Variants in SIGLEC15 observed in about 807,000 individuals in gnomAD.
SIGLEC15 encodes sialic acid-binding Ig-like lectin 15.
Under a neutral mutation model 26.2 loss-of-function variants are expected in SIGLEC15, and 31 were observed. The observed-to-expected ratio is 1.18, with a 90% CI of 0.89 to 1.60. The LOEUF (loss-of-function observed/expected upper bound fraction) is 1.60. Ranked by LOEUF, SIGLEC15 falls within the 40% of genes most tolerant of loss-of-function variation. SIGLEC15 has a pLI of 0.00. For missense variants in SIGLEC15, 501 were observed against 488.4 expected (o/e 1.03, Z -0.24); for synonymous variants, 207 against 221.9 (o/e 0.93, Z 0.60).
At chr18:45,833,006 T>C (rs1204045349) in intron 1 of SIGLEC15, among the ~76,000 whole-genome samples, 3 of 152,110 alleles carry the variant, frequency 2.0e-5, no homozygotes, top group Non-Finnish European at 4.4e-5. Flanking sequence ...ATCGTAACCC[T>C]TGGTGAAAGA....
intron 1 of SIGLEC15, among the ~76,000 whole-genome samples, chr18:45,827,191 C>T (rs2048191912): frequency 6.6e-6 from 1 of 152,222 alleles, no homozygotes; most frequent in African/African-American, 2.4e-5. Flanking sequence ...GCTGAGATTA[C>T]AGGTGTGAGC....
rs539145576 is a variant in SIGLEC15, at chr18:45,831,833, G to A, written c.53-5196G>A. Among the ~76,000 whole-genome samples the A allele has an allele frequency of 3.5e-4, 54 of 152,118 alleles. No homozygotes were observed. The South Asian group carries it at 0.01, about 29-fold the overall frequency. ...GCTCACTGCAGCCTCCGCCTCCCGG[G>A]TTCAAGCGGTTCTCCTGCCTCAGCC... On this transcript the variant is annotated intron_variant, in intron 1 of 5. Transcript: ENST00000389474.
At chr18:45,834,018 G>A (rs1004069883) in intron 1 of SIGLEC15, among the ~76,000 whole-genome samples, 3 of 152,130 alleles carry the variant, frequency 2.0e-5, no homozygotes, top group Non-Finnish European at 2.9e-5. Context: ...GCCTCATTAC[G>A]CCTTCATGCC....
chr18:45,833,414 T>G (rs2048250328), intron 1 of SIGLEC15, among the ~76,000 whole-genome samples: 1 of 152,190 alleles, frequency 6.6e-6, no homozygotes, highest in South Asian at 2.1e-4. Flanking sequence ...CCTCCTGGGC[T>G]CAAGCAATCT....
At chr18:45,825,818 C>T (rs192098402) in intron 1 of SIGLEC15, 38 bp downstream of exon 1, 204 of 1,612,602 alleles carry the variant, frequency 1.3e-4, no homozygotes, top group Middle Eastern at 5.0e-4. Context: ...ATGCTCGGGA[C>T]AGAATAGATG....
At chr18:45,839,376 C>T (rs996436528) in intron 4 of SIGLEC15, among the ~76,000 whole-genome samples, 3 of 152,162 alleles carry the variant, frequency 2.0e-5, no homozygotes, top group Non-Finnish European at 4.4e-5. Context: ...ACTCTAGAGC[C>T]GTCCCTTTGC....
chr18:45,840,075 C>T lies in SIGLEC15; in HGVS notation c.875-136C>T, dbSNP rs184030398. The T allele has an allele frequency of 6.2e-5, 56 of 898,118 alleles. No individual in the cohort carries two copies. The African/African-American group carries it at 7.7e-4, about 12-fold the overall frequency. 55.6% of individuals were successfully genotyped at this position (898,118 alleles called of 1,614,324 possible). A position where few individuals can be genotyped will look rare whatever the true frequency, so the allele number is the denominator to read the frequency against. ...CAGGGTTCCATGGCACAGCTTCACACCCTGCTAGTCTGCTGTTTGCTTCAA... is the reference window on the plus strand; with the variant it reads ...CAGGGTTCCATGGCACAGCTTCACATCCTGCTAGTCTGCTGTTTGCTTCAA... On this transcript the variant is annotated intron_variant, in intron 4 of 5. Transcript: ENST00000389474.
At position 45,837,185 on chromosome 18, in the gene SIGLEC15, G is replaced by A. The variant is rs1477489420; in HGVS notation, c.112+97G>A. The A allele has an allele frequency of 1.9e-6, 3 of 1,543,518 alleles. No individual in the cohort carries two copies. The African/African-American group carries it at 4.1e-5, about 21-fold the overall frequency. On this transcript the variant is annotated intron_variant, in intron 2 of 5. Coordinates refer to ENST00000389474, the MANE Select transcript of SIGLEC15 (RefSeq NM_213602.3). ...TTTCCACAGGGCAGGTTTTGATGGG[G>A]AAAAACTAAGGGTAAGAATATGGGG...
intron 1 of SIGLEC15, among the ~76,000 whole-genome samples, chr18:45,833,429 C>T (rs2048250408): frequency 6.6e-6 from 1 of 152,106 alleles, no homozygotes; most frequent in Non-Finnish European, 1.5e-5. Context: ...CAATCTCATG[C>T]TTCAGCCTCC....
chr18:45,837,506 CCCT>C lies in SIGLEC15; in HGVS notation c.113-5_113-3del. 1 of 1,485,760 alleles carries C rather than the reference CCCT, an allele frequency of 6.7e-7. No homozygotes were observed. The highest frequency in any genetic ancestry group is 8.9e-7 in the Non-Finnish European group (1 of 1,128,328). 92.0% of individuals were successfully genotyped at this position (1,485,760 alleles called of 1,614,324 possible). A position where few individuals can be genotyped will look rare whatever the true frequency, so the allele number is the denominator to read the frequency against. ...CCCGAGCCTGACGCAGCCCGCCCCGCCCTCAGGCTCGCCAGCGCAGCGCTGGTC... is the reference window on the plus strand; with the variant it reads ...CCCGAGCCTGACGCAGCCCGCCCCGCCAGGCTCGCCAGCGCAGCGCTGGTC... On this transcript the variant is annotated splice_polypyrimidine_tract_variant and splice_region_variant and intron_variant, in intron 2 of 5. Transcript: ENST00000389474.
chr18:45,827,497 A>G (rs1035311542), intron 1 of SIGLEC15, among the ~76,000 whole-genome samples: 3 of 152,204 alleles, frequency 2.0e-5, no homozygotes, highest in Admixed American at 6.5e-5. Context: ...CAAGTGGTCA[A>G]TGGGAGAGGG....
rs1220323582 is a variant in SIGLEC15 at position 45,843,877 on chromosome 18, A to C, written c.*1690A>C. Reference sequence around the variant, plus strand: ...CTGGGCAACAGAGAGACTGTCTCCAAAGAAAAAAAAAGAAATAGAACTACC... The same window carrying C: ...CTGGGCAACAGAGAGACTGTCTCCACAGAAAAAAAAAGAAATAGAACTACC... On this transcript the variant is annotated 3_prime_UTR_variant, in exon 6 of 6. Transcript: ENST00000389474. 6.6e-6 allele frequency: 1 copy of C among 152,152 alleles called. No homozygotes were observed. Among genetic ancestry groups the C allele is most frequent in the African/African-American group, 2.4e-5 (1 of 41,432 alleles). The allele number at this position is 152,152 out of a possible 1,614,324, so 9.4% of individuals were successfully genotyped here. A position where few individuals can be genotyped will look rare whatever the true frequency, so the allele number is the denominator to read the frequency against.
intron 1 of SIGLEC15, among the ~76,000 whole-genome samples, chr18:45,827,276 GAGGGGCTCAACA>G (rs894093235): frequency 1.6e-4 from 25 of 152,328 alleles, no homozygotes; most frequent in Middle Eastern, 3.4e-3. Context: ...ATGGGGCCCA[GAGGGGCTCAACA>G]AGTGGCAGGG....
At chr18:45,833,289 G>T (rs1306532137) in intron 1 of SIGLEC15, among the ~76,000 whole-genome samples, 1 of 152,068 alleles carries the variant, frequency 6.6e-6, no homozygotes, top group African/African-American at 2.4e-5. Context: ...ACCTGATGGG[G>T]TTGTTGTGCA....
intron 5 of SIGLEC15, 61 bp downstream of exon 5, chr18:45,840,302 G>C: frequency 6.4e-7 from 1 of 1,552,320 alleles, no homozygotes; most frequent in Non-Finnish European, 8.8e-7. Context: ...CATCACCCAG[G>C]GGGTCCAGGC....
At chr18:45,829,403 C>T (rs774491871) in intron 1 of SIGLEC15, among the ~76,000 whole-genome samples, 2 of 152,226 alleles carry the variant, frequency 1.3e-5, no homozygotes, top group Admixed American at 6.5e-5. Flanking sequence ...CATTCTTGCC[C>T]TTTCTCTGCT....
Position 45,838,778 on chromosome 18 carries a change from T to C in SIGLEC15, c.557T>C (p.Leu186Pro), listed in dbSNP as rs1231195512. 3 of 1,570,872 alleles carry C rather than the reference T, an allele frequency of 1.9e-6. No homozygotes were observed. The highest frequency in any genetic ancestry group is 2.6e-6 in the Non-Finnish European group (3 of 1,166,404). Residue 186 changes from leucine (L) to proline (P), a missense_variant, in exon 4 of 6, where the codon CTC (leucine) becomes CCC (proline). Physicochemically the swap from Leu to Pro is moderately conservative, Grantham distance 98 (BLOSUM62 -3). Coordinates refer to ENST00000389474, the MANE Select transcript of SIGLEC15 (RefSeq NM_213602.3). ...AGTCCGGCTCACGCCTTCCGCGCGCTCTGCACTGCCGAAGGGGAGCCGCCG... is the reference window on the plus strand; with the variant it reads ...AGTCCGGCTCACGCCTTCCGCGCGCCCTGCACTGCCGAAGGGGAGCCGCCG... Reference protein sequence around the residue: ...LPSPAHAFRALCTAEGEPPPA... With the variant: ...LPSPAHAFRAPCTAEGEPPPA...
chr18:45,840,628 C>T (rs2048317920), intron 5 of SIGLEC15, among the ~76,000 whole-genome samples: 1 of 152,176 alleles, frequency 6.6e-6, no homozygotes, highest in Non-Finnish European at 1.5e-5. Context: ...GGTGAGGGGC[C>T]CAGAGACCCC....
rs1030240119 is a variant in SIGLEC15, at chr18:45,842,878, C to G, written c.*691C>G. The stretch of plus-strand genomic sequence containing the variant: ...AGAACACAGAGTTCCAGAGAGCAAG[C>G]CTGGGGCAGGGGCTGTGCAAACGTG... On this transcript the variant is annotated 3_prime_UTR_variant, in exon 6 of 6. Transcript: ENST00000389474. 4.6e-5 allele frequency: 7 copies of G among 152,524 alleles called. No homozygotes were observed. The highest frequency in any genetic ancestry group is 9.6e-5 in the African/African-American group (4 of 41,464). 9.4% of individuals were successfully genotyped at this position (152,524 alleles called of 1,614,324 possible).
Sources: gnomAD v4.1 joint callset for allele counts (sites outside exome capture counted in the v4.1 genomes callset) on GRCh38, gnomAD v4.1.1 for gene constraint, MANE v1.5 for transcripts, NCBI Gene and HGNC (gene_info 2026-07-23, HGNC 2026-07-21) for gene names.